The following ATRNL1 variants were observed in gnomAD, a reference collection of about 807,000 sequenced individuals.
ATRNL1 encodes the protein attractin-like protein 1.
Under a neutral mutation model 182.7 loss-of-function variants are expected in ATRNL1, and 95 were observed. That is an observed-to-expected ratio of 0.52 (90% CI 0.44 to 0.62). The LOEUF is 0.62. ATRNL1 is among the 20% of genes least tolerant of loss of function. The pLI, the probability that ATRNL1 is intolerant of heterozygous loss-of-function variation, is 0.00. For synonymous variants in ATRNL1, 576 were observed against 568.3 expected (o/e 1.01, Z -0.19); for missense variants, 1,471 against 1,679.5 (o/e 0.88, Z 2.17).
intron 27 of ATRNL1, among the ~76,000 whole-genome samples, chr10:115,825,676 A>C (rs1950414035): frequency 6.6e-6 from 1 of 152,126 alleles, no homozygotes; most frequent in African/African-American, 2.4e-5. Context: ...GTGTGTTTTA[A>C]CCATGTCAAG....
At chr10:115,781,287 A>G (rs2134189682) in intron 27 of ATRNL1, among the ~76,000 whole-genome samples, 1 of 152,290 alleles carries the variant, frequency 6.6e-6, no homozygotes, top group East Asian at 1.9e-4. Context: ...TTGGAAAAAC[A>G]ATTTGGTCCT....
chr10:115,114,961 C>T (rs1251212113), intron 1 of ATRNL1, among the ~76,000 whole-genome samples: 2 of 151,840 alleles, frequency 1.3e-5, no homozygotes, highest in African/African-American at 2.4e-5. Flanking sequence ...TTCATAATAG[C>T]CAATATTGGG....
At chr10:115,588,840 C>T (rs542470830) in intron 26 of ATRNL1, among the ~76,000 whole-genome samples, 1 of 152,296 alleles carries the variant, frequency 6.6e-6, no homozygotes, top group East Asian at 1.9e-4. Flanking sequence ...CAAGAGCTTC[C>T]TATTCTTCCA....
intron 26 of ATRNL1, among the ~76,000 whole-genome samples, chr10:115,554,910 G>A (rs1366403387): frequency 9.2e-5 from 14 of 151,536 alleles, no homozygotes; most frequent in Non-Finnish European, 1.9e-4. Context: ...CAGTTACTTA[G>A]ACTAAAACAT....
chr10:115,785,957 G>A (rs1223908555), intron 27 of ATRNL1, among the ~76,000 whole-genome samples: 3 of 151,984 alleles, frequency 2.0e-5, no homozygotes, highest in African/African-American at 4.8e-5. Flanking sequence ...TCCAGTTTCC[G>A]ATAATATGTT....
rs563939799 is a variant in ATRNL1, at chr10:115,141,539, G to A, written c.829+12004G>A. 5.3e-5 allele frequency among the ~76,000 whole-genome samples: 8 copies of A among 152,146 alleles called. No individual in the cohort carries two copies. In the South Asian group the frequency reaches 1.7e-3, roughly 32 times the overall value. ...GTAGTTTTGTTTGACTTAGAAAAAT[G>A]TAAAAACTTTCAACTCAAACTCATG... On this transcript the variant is annotated intron_variant, in intron 5 of 28. Coordinates refer to ENST00000355044, the MANE Select transcript of ATRNL1 (RefSeq NM_207303.4).
intron 14 of ATRNL1, among the ~76,000 whole-genome samples, chr10:115,281,828 C>G (rs1009197245): frequency 2.7e-5 from 4 of 150,154 alleles, no homozygotes; most frequent in Non-Finnish European, 4.4e-5. Flanking sequence ...TATTTAAGTG[C>G]CTTTTATTTT....
At chr10:115,277,239 A>C (rs1682054775) in intron 13 of ATRNL1, among the ~76,000 whole-genome samples, 1 of 152,094 alleles carries the variant, frequency 6.6e-6, no homozygotes, top group Non-Finnish European at 1.5e-5. Context: ...AATGATTTCA[A>C]ATTTACAAAA....
At chr10:115,397,388 A>G (rs1368534698) in intron 20 of ATRNL1, among the ~76,000 whole-genome samples, 2 of 151,928 alleles carry the variant, frequency 1.3e-5, no homozygotes, top group Non-Finnish European at 2.9e-5. Flanking sequence ...CATATCTTAT[A>G]TATTCTTAAT....
intron 28 of ATRNL1, among the ~76,000 whole-genome samples, chr10:115,898,962 T>C (rs535337919): frequency 1.3e-5 from 2 of 150,260 alleles, no homozygotes; most frequent in East Asian, 1.9e-4. Flanking sequence ...TTTTTTTTCT[T>C]TTTTTTTTAT....
At chr10:115,230,870 TGAGAGA>T (rs1169884107) in intron 9 of ATRNL1, among the ~76,000 whole-genome samples, 3,473 of 83,394 alleles carry the variant, frequency 0.042, 51 homozygotes, top group East Asian at 0.14. Context: ...ATAGAGTGGA[TGAGAGA>T]GAGAGAGAGA....
chr10:115,290,722 G>T (rs1160141393), intron 15 of ATRNL1, among the ~76,000 whole-genome samples: 6 of 152,128 alleles, frequency 3.9e-5, no homozygotes, highest in African/African-American at 1.4e-4. Flanking sequence ...TTTCTCTCCT[G>T]CAGAGAGAGA....
At chr10:115,871,926 G>T (rs2134418751) in intron 28 of ATRNL1, among the ~76,000 whole-genome samples, 1 of 152,250 alleles carries the variant, frequency 6.6e-6, no homozygotes, top group Admixed American at 6.5e-5. Flanking sequence ...CCATGCTGGG[G>T]CTTAAGTGTG....
Position 115,948,927 on chromosome 10 carries a change from TTA to T in ATRNL1, c.*4150_*4151del, listed in dbSNP as rs1352734209. ...AAGCCCGTTTTAGAAAGCCAACATT[TTA>T]TGTTATAATATGCTGTTAATCAGGA... On this transcript the variant is annotated 3_prime_UTR_variant, in exon 29 of 29. Coordinates refer to ENST00000355044, the MANE Select transcript of ATRNL1 (RefSeq NM_207303.4). The T allele has an allele frequency of 6.6e-6, 1 of 152,214 alleles. No homozygotes were observed. The highest frequency in any genetic ancestry group is 2.4e-5 in the African/African-American group (1 of 41,462). 9.4% of individuals were successfully genotyped at this position (152,214 alleles called of 1,614,324 possible).
intron 21 of ATRNL1, among the ~76,000 whole-genome samples, chr10:115,430,360 T>G (rs1554963715): frequency 6.6e-6 from 1 of 152,102 alleles, no homozygotes; most frequent in African/African-American, 2.4e-5. Flanking sequence ...TTTAATAATT[T>G]CCTTCTCATA....
intron 26 of ATRNL1, among the ~76,000 whole-genome samples, chr10:115,670,879 T>C (rs1555041145): frequency 6.6e-6 from 1 of 152,130 alleles, no homozygotes; most frequent in African/African-American, 2.4e-5. Flanking sequence ...GTGATTAGTA[T>C]AAAAATCAAA....
intron 27 of ATRNL1, among the ~76,000 whole-genome samples, chr10:115,789,101 T>G (rs1281978949): frequency 6.6e-6 from 1 of 152,210 alleles, no homozygotes; most frequent in East Asian, 1.9e-4. Flanking sequence ...AGAACTTCAG[T>G]TAAATGTTTC....
At chr10:115,458,173 C>T (rs1426884975) in intron 21 of ATRNL1, among the ~76,000 whole-genome samples, 1 of 152,076 alleles carries the variant, frequency 6.6e-6, no homozygotes, top group Non-Finnish European at 1.5e-5. Context: ...CTAAGAAGTT[C>T]AGAGCATATT....
chr10:115,295,227 C>T lies in ATRNL1; in HGVS notation c.2416-4807C>T, dbSNP rs149071720. ...GAAGGCTGCTTGGCTGTCCTGGGGGCTTGCTTGCCAGGAACAACCCACAGG... is the reference window on the plus strand; with the variant it reads ...GAAGGCTGCTTGGCTGTCCTGGGGGTTTGCTTGCCAGGAACAACCCACAGG... On this transcript the variant is annotated intron_variant, in intron 15 of 28. Coordinates refer to ENST00000355044, the MANE Select transcript of ATRNL1 (RefSeq NM_207303.4). Among the ~76,000 whole-genome samples the T allele has an allele frequency of 1.7e-3, 264 of 152,154 alleles. 2 individuals carry two copies. The highest frequency in any genetic ancestry group is 0.017 in the Middle Eastern group (5 of 294).
Sources: gnomAD v4.1 joint callset for allele counts (sites outside exome capture counted in the v4.1 genomes callset) on GRCh38, gnomAD v4.1.1 for gene constraint, MANE v1.5 for transcripts, NCBI Gene and HGNC (gene_info 2026-07-23, HGNC 2026-07-21) for gene names.